Variants in SAMD12 observed in about 807,000 individuals in gnomAD.
SAMD12 encodes sterile alpha motif domain containing 12.
In SAMD12, 9 loss-of-function variants were observed where a neutral mutation model predicts 15.0. The observed-to-expected ratio is 0.60, with a 90% CI of 0.36 to 1.05. The LOEUF (loss-of-function observed/expected upper bound fraction) is 1.05. Among genes scored for constraint, SAMD12 ranks in the 50% least tolerant of loss-of-function variants. SAMD12 has a pLI of 0.01. For missense variants in SAMD12, 230 were observed against 234.2 expected (o/e 0.98, Z 0.12); for synonymous variants, 86 against 90.1 (o/e 0.96, Z 0.25).
intron 2 of SAMD12, among the ~76,000 whole-genome samples, chr8:118,549,685 G>T (rs903725999): frequency 2.0e-5 from 3 of 152,234 alleles, no homozygotes; most frequent in African/African-American, 7.2e-5. Flanking sequence ...GACGGAGAAT[G>T]ACTTTGACAA....
chr8:118,395,826 C>T lies in SAMD12; in HGVS notation c.323-16126G>A, dbSNP rs567580198. Reference sequence around the variant, plus strand: ...ACAAAAAATTAGCCGGGCGTGGTGGCGGGCGCCTGTAGTCCCAGCTACTCG... The same window carrying T: ...ACAAAAAATTAGCCGGGCGTGGTGGTGGGCGCCTGTAGTCCCAGCTACTCG... On this transcript the variant is annotated intron_variant, in intron 3 of 3. Coordinates refer to ENST00000314727, the MANE Select transcript of SAMD12 (RefSeq NM_207506.3). 4.6e-5 allele frequency among the ~76,000 whole-genome samples: 7 copies of T among 151,284 alleles called. No homozygotes were observed. The South Asian group carries it at 6.3e-4, about 14-fold the overall frequency.
At chr8:118,464,362 C>G (rs7813628) in intron 2 of SAMD12, among the ~76,000 whole-genome samples, 1 of 152,178 alleles carries the variant, frequency 6.6e-6, no homozygotes, top group East Asian at 1.9e-4. Flanking sequence ...TCGCCCACGA[C>G]AGTTGGACCA....
intron 4 of SAMD12, among the ~76,000 whole-genome samples, chr8:118,309,173 C>T (rs1815499632): frequency 6.6e-6 from 1 of 152,122 alleles, no homozygotes; most frequent in Admixed American, 6.6e-5. Context: ...TCCCCAAAGT[C>T]CATTGTATTA....
intron 4 of SAMD12, among the ~76,000 whole-genome samples, chr8:118,248,533 G>A (rs552847588): frequency 6.6e-6 from 1 of 152,184 alleles, no homozygotes; most frequent in African/African-American, 2.4e-5. Flanking sequence ...GGCACAGAAA[G>A]GATCTTATGG....
chr8:118,230,730 G>GCAAAA (rs1812294179), intron 4 of SAMD12, among the ~76,000 whole-genome samples: 1 of 152,018 alleles, frequency 6.6e-6, no homozygotes, highest in African/African-American at 2.4e-5. Flanking sequence ...AATAGCAAGT[G>GCAAAA]GAAAGGCCCT....
chr8:118,508,378 AAGAAAAAAATAG>A (rs570493983), intron 2 of SAMD12, among the ~76,000 whole-genome samples: 108 of 152,210 alleles, frequency 7.1e-4, no homozygotes, highest in Non-Finnish European at 3.2e-4. Context: ...CTTAAAGTAT[AAGAAAAAAATAG>A]AGAAAAAAAA....
intron 2 of SAMD12, among the ~76,000 whole-genome samples, chr8:118,558,779 G>A (rs958084016): frequency 2.0e-5 from 3 of 151,844 alleles, no homozygotes; most frequent in Non-Finnish European, 2.9e-5. Context: ...GGATGATCTC[G>A]ATCTCCTGAC....
chr8:118,357,890 A>C (rs966266013), intron 4 of SAMD12, among the ~76,000 whole-genome samples: 11 of 152,140 alleles, frequency 7.2e-5, no homozygotes, highest in Non-Finnish European at 1.5e-4. Context: ...TCACACCTGT[A>C]ATCTCAGCAC....
At chr8:118,205,542 T>C (rs2514952) in intron 4 of SAMD12, among the ~76,000 whole-genome samples, 78,135 of 152,080 alleles carry the variant, frequency 0.51, 21,598 homozygotes, top group Non-Finnish European at 0.62. Context: ...GGCTATGATC[T>C]TTGATCTGAC....
intron 3 of SAMD12, among the ~76,000 whole-genome samples, chr8:118,398,041 G>A (rs1222753323): frequency 1.3e-5 from 2 of 152,052 alleles, no homozygotes; most frequent in African/African-American, 2.4e-5. Flanking sequence ...CACCTGCCTC[G>A]GGCTCCCAAA....
the SAMD12 span, among the ~76,000 whole-genome samples, chr8:118,159,516 G>T: frequency 6.6e-6 from 1 of 152,126 alleles, no homozygotes; most frequent in Non-Finnish European, 1.5e-5. Context: ...TAAGCCCAGT[G>T]GGCCCAAGCA....
At chr8:118,470,260 A>T (rs908544549) in intron 2 of SAMD12, among the ~76,000 whole-genome samples, 44 of 137,084 alleles carry the variant, frequency 3.2e-4, no homozygotes, top group African/African-American at 1.3e-3. Context: ...TTTTTTTTAA[A>T]AAAAAAGGAG....
chr8:118,204,536 C>A (rs754258238), intron 4 of SAMD12, among the ~76,000 whole-genome samples: 1 of 151,996 alleles, frequency 6.6e-6, no homozygotes, highest in African/African-American at 2.4e-5. Context: ...GGGCAGATCA[C>A]GAGGTCAGAA....
chr8:118,291,531 T>C (rs967511963), intron 4 of SAMD12, among the ~76,000 whole-genome samples: 1 of 152,164 alleles, frequency 6.6e-6, no homozygotes, highest in African/African-American at 2.4e-5. Flanking sequence ...TTCTTTCATA[T>C]CTTTACTGAG....
At chr8:118,198,576 AT>A (rs1819629398) in intron 4 of SAMD12, among the ~76,000 whole-genome samples, 1 of 152,204 alleles carries the variant, frequency 6.6e-6, no homozygotes, top group South Asian at 2.1e-4. Flanking sequence ...AGAAAAAAAA[AT>A]CTACCTCAGT....
At chr8:118,241,044 A>T (rs1444765048) in intron 4 of SAMD12, among the ~76,000 whole-genome samples, 1 of 152,272 alleles carries the variant, frequency 6.6e-6, no homozygotes, top group Non-Finnish European at 1.5e-5. Flanking sequence ...CCCCCAGCTC[A>T]TTAGTGCCAT....
At chr8:118,307,761 A>G (rs1021308927) in intron 4 of SAMD12, among the ~76,000 whole-genome samples, 1 of 151,786 alleles carries the variant, frequency 6.6e-6, no homozygotes, top group Non-Finnish European at 1.5e-5. Context: ...GGCTCTATAC[A>G]CTTGTTCATC....
chr8:118,534,481 T>A (rs1316196400), intron 2 of SAMD12, among the ~76,000 whole-genome samples: 1 of 152,208 alleles, frequency 6.6e-6, no homozygotes, highest in Non-Finnish European at 1.5e-5. Flanking sequence ...TGAATTTGAA[T>A]GTTGGCCTGC....
At chr8:118,230,808 G>A (rs544455792) in intron 4 of SAMD12, among the ~76,000 whole-genome samples, 12 of 152,260 alleles carry the variant, frequency 7.9e-5, no homozygotes, top group South Asian at 2.1e-4. Context: ...CACAGTGAGC[G>A]AGCGGGAGAG....
Sources: allele counts gnomAD v4.1 joint callset (sites outside exome capture counted in the v4.1 genomes callset), GRCh38; gene constraint gnomAD v4.1.1; transcripts MANE v1.5; gene names NCBI Gene and HGNC (gene_info 2026-07-23, HGNC 2026-07-21).